The following CSMD1 variants were observed in gnomAD, a reference collection of about 807,000 sequenced individuals.
CSMD1 encodes the protein CUB and sushi domain-containing protein 1.
A neutral mutation model predicts 417.5 loss-of-function variants in CSMD1; 213 were observed. The observed-to-expected ratio is 0.51, with a 90% confidence interval of 0.46 to 0.57. The LOEUF (loss-of-function observed/expected upper bound fraction) is 0.57. Among genes scored for constraint, CSMD1 ranks in the 20% least tolerant of loss-of-function variants. The pLI, the probability that CSMD1 is intolerant of heterozygous loss-of-function variation, is 0.00. For synonymous variants in CSMD1, 2,862 were observed against 1,736.8 expected, an observed-to-expected ratio of 1.65 and a Z score of -16.11; for missense variants, 6,923 against 4,529.7, an observed-to-expected ratio of 1.53 and a Z score of -15.17.
At chr8:4,390,749 G>C (rs771126607) in intron 3 of CSMD1, among the ~76,000 whole-genome samples, 1 of 151,610 alleles carries the variant, frequency 6.6e-6, no homozygotes. Context: ...TTCTGACCTC[G>C]TCAGGATGGT....
At chr8:4,179,606 C>G (rs1798243560) in intron 3 of CSMD1, among the ~76,000 whole-genome samples, 1 of 151,902 alleles carries the variant, frequency 6.6e-6, no homozygotes, top group African/African-American at 2.4e-5. Context: ...AGAGCTTCTG[C>G]ACAGCAAAAC....
In CSMD1 at chr8:3,672,176, G is replaced by T. The variant is rs558579629; in HGVS notation, c.1009+36238C>A. 3.0e-3 allele frequency among the ~76,000 whole-genome samples: 451 copies of T among 152,074 alleles called. 2 individuals carry two copies. The highest frequency in any genetic ancestry group is 4.2e-3 in the Non-Finnish European group (287 of 67,982). On this transcript the variant is annotated intron_variant, in intron 7 of 69. Transcript: ENST00000635120. The stretch of plus-strand genomic sequence containing the variant: ...TAGTGTGAAATCTCTTTATGGTCAG[G>T]GATCTTATAAGTTTGATGAAATTGA...
chr8:4,016,575 T>C (rs1274035139), intron 4 of CSMD1, among the ~76,000 whole-genome samples: 1 of 152,150 alleles, frequency 6.6e-6, no homozygotes, highest in Non-Finnish European at 1.5e-5. Context: ...CACTTAGTCC[T>C]CAATCCTAAA....
chr8:3,335,467 C>T lies in CSMD1; in HGVS notation c.3631+7827G>A, dbSNP rs552587398. On this transcript the variant is annotated intron_variant, in intron 23 of 69. Transcript: ENST00000635120. ...CCAAGGCGGGTGGATCATCTGAGGT[C>T]GGGAGATCGAGACCAGCCTGACCAA... Among the ~76,000 whole-genome samples, 279 of 152,246 alleles carry T rather than the reference C, an allele frequency of 1.8e-3. 3 individuals are homozygous for T. Among genetic ancestry groups the T allele is most frequent in the African/African-American group, 6.3e-3 (262 of 41,556 alleles).
At chr8:4,150,865 A>G (rs182337848) in intron 3 of CSMD1, among the ~76,000 whole-genome samples, 110 of 141,500 alleles carry the variant, frequency 7.8e-4, no homozygotes, top group Non-Finnish European at 1.4e-3. Flanking sequence ...TATAAATATA[A>G]AAAAATGTCC....
At chr8:3,018,269 T>G (rs1425905509) in intron 52 of CSMD1, among the ~76,000 whole-genome samples, 2 of 152,220 alleles carry the variant, frequency 1.3e-5, no homozygotes, top group African/African-American at 4.8e-5. Flanking sequence ...TTATGGCACT[T>G]AAGGCAATAT....
Position 4,473,999 on chromosome 8 carries a change from T to C in CSMD1, c.303-53934A>G, listed in dbSNP as rs181712314. On this transcript the variant is annotated intron_variant, in intron 2 of 69. Transcript: ENST00000635120. ...TGTCAAAAGAGACACAAAAAATTAATTTCAGAAAGACCCAATCCATTAAAT... is the reference window on the plus strand; with the variant it reads ...TGTCAAAAGAGACACAAAAAATTAACTTCAGAAAGACCCAATCCATTAAAT... 1.6e-3 allele frequency among the ~76,000 whole-genome samples: 248 copies of C among 152,200 alleles called. 3 individuals carry two copies. The South Asian group carries it at 0.02, about 12-fold the overall frequency.
At chr8:4,845,508 T>C (rs1801089397) in intron 1 of CSMD1, among the ~76,000 whole-genome samples, 1 of 152,238 alleles carries the variant, frequency 6.6e-6, no homozygotes, top group Non-Finnish European at 1.5e-5. Context: ...TGAAGTCACG[T>C]TCTCCTCAAC....
chr8:3,587,873 T>C (rs774181352), intron 8 of CSMD1, among the ~76,000 whole-genome samples: 2 of 152,134 alleles, frequency 1.3e-5, no homozygotes, highest in African/African-American at 2.4e-5. Context: ...TAGAGTTCTA[T>C]GGAACTAATT....
intron 7 of CSMD1, among the ~76,000 whole-genome samples, chr8:3,668,550 G>A (rs1355010015): frequency 6.6e-6 from 1 of 152,122 alleles, no homozygotes; most frequent in Non-Finnish European, 1.5e-5. Context: ...CTTACCACAG[G>A]TAATATGCAA....
chr8:3,123,857 T>C (rs1346728615), intron 41 of CSMD1, among the ~76,000 whole-genome samples: 5 of 152,196 alleles, frequency 3.3e-5, no homozygotes, highest in Non-Finnish European at 5.9e-5. Flanking sequence ...GGAGTGTTAA[T>C]AGTATGTAAG....
intron 2 of CSMD1, among the ~76,000 whole-genome samples, chr8:4,508,960 T>C (rs1802678457): frequency 6.6e-6 from 1 of 152,134 alleles, no homozygotes; most frequent in Non-Finnish European, 1.5e-5. Flanking sequence ...GAGGGCAGCC[T>C]GAGCTTTCCT....
At chr8:3,279,884 C>T (rs1360941298) in intron 26 of CSMD1, among the ~76,000 whole-genome samples, 2 of 152,164 alleles carry the variant, frequency 1.3e-5, no homozygotes, top group Non-Finnish European at 2.9e-5. Context: ...CAACCACCTC[C>T]ACCTGGTCCC....
At position 3,396,359 on chromosome 8, in the gene CSMD1, C is replaced by G. The variant is rs761709591; in HGVS notation, c.2428G>C (p.Asp810His). 1.3e-6 allele frequency: 2 copies of G among 1,592,960 alleles called. No homozygotes were observed. The highest frequency in any genetic ancestry group is 1.7e-6 in the Non-Finnish European group (2 of 1,169,812). ...GGCCCATCTCTGACCTCCAAGGTGT[C>G]ATAATTGACCTCTGTCTGAAATCTG... ...FDRFQTEVNY[D>H]TLEVRDGPAS... The change falls in exon 17 of 70, where the codon GAC becomes CAC. Residue 810 changes from aspartate to histidine, a missense_variant. Coordinates refer to ENST00000635120, the MANE Select transcript of CSMD1 (RefSeq NM_033225.6).
intron 3 of CSMD1, among the ~76,000 whole-genome samples, chr8:4,298,711 C>G (rs966750533): frequency 6.6e-6 from 1 of 151,974 alleles, no homozygotes; most frequent in African/African-American, 2.4e-5. Context: ...GATACTAAAT[C>G]AAGTATTTTC....
intron 2 of CSMD1, among the ~76,000 whole-genome samples, chr8:4,517,576 G>C (rs1269023243): frequency 6.6e-6 from 1 of 151,982 alleles, no homozygotes; most frequent in African/African-American, 2.4e-5. Flanking sequence ...TCATTTTACA[G>C]AGTTAATACC....
intron 2 of CSMD1, among the ~76,000 whole-genome samples, chr8:4,616,400 C>G (rs2130803475): frequency 6.6e-6 from 1 of 152,226 alleles, no homozygotes; most frequent in Admixed American, 6.5e-5. Context: ...ATCGTGGCCT[C>G]CAATATTTGG....
chr8:3,076,103 G>C (rs796829116), intron 49 of CSMD1, among the ~76,000 whole-genome samples: 1 of 151,714 alleles, frequency 6.6e-6, no homozygotes, highest in African/African-American at 2.4e-5. Context: ...TTAAAAGTTT[G>C]TGTCTGTATT....
rs536796862 is a variant in CSMD1, at chr8:3,301,523, A to G, written c.3950+6172T>C. Among the ~76,000 whole-genome samples the G allele has an allele frequency of 2.6e-5, 4 of 152,346 alleles. No homozygotes were observed. The South Asian group carries it at 8.3e-4, about 32-fold the overall frequency. On this transcript the variant is annotated intron_variant, in intron 25 of 69. Coordinates refer to ENST00000635120, the MANE Select transcript of CSMD1 (RefSeq NM_033225.6). ...AATATTTCTGGATGGGATAATAAAA[A>G]TGAATTTTTGCTGAGCCCTAAGAGA...
Sources: gnomAD v4.1 joint callset for allele counts (sites outside exome capture counted in the v4.1 genomes callset) on GRCh38, gnomAD v4.1.1 for gene constraint, MANE v1.5 for transcripts, NCBI Gene and HGNC (gene_info 2026-07-23, HGNC 2026-07-21) for gene names.